The following UNC13C variants were observed in gnomAD, a reference collection of about 807,000 sequenced individuals.
UNC13C encodes unc-13 homolog C, also known as protein unc-13 homolog C.
UNC13C carries 174 observed loss-of-function variants against 245.4 expected under a neutral mutation model. That is an observed-to-expected ratio of 0.71 (90% confidence interval 0.63 to 0.80). The LOEUF (loss-of-function observed/expected upper bound fraction) is 0.80, where lower values mean the gene tolerates loss of function less well. UNC13C is among the 30% of genes least tolerant of loss of function. The pLI, the probability that UNC13C is intolerant of heterozygous loss-of-function variation, is 0.00. For missense variants in UNC13C, 2,829 were observed against 2,602.9 expected (o/e 1.09, Z -1.89); for synonymous variants, 992 against 895.1 (o/e 1.11, Z -1.93).
At chr15:54,611,911 A>C (rs1192599307) in intron 30 of UNC13C, among the ~76,000 whole-genome samples, 2 of 152,128 alleles carry the variant, frequency 1.3e-5, no homozygotes, top group East Asian at 3.9e-4. Context: ...ATCCATTTAC[A>C]TGACCTTGCA....
intron 10 of UNC13C, among the ~76,000 whole-genome samples, chr15:54,270,751 C>T (rs1173960799): frequency 1.3e-5 from 2 of 152,078 alleles, no homozygotes; most frequent in Non-Finnish European, 2.9e-5. Context: ...GTCCAACTTG[C>T]TCACTTCACT....
intron 10 of UNC13C, among the ~76,000 whole-genome samples, chr15:54,279,483 C>A (rs550013614): frequency 2.0e-5 from 3 of 152,160 alleles, no homozygotes; most frequent in Non-Finnish European, 4.4e-5. Flanking sequence ...GATTGCCTCT[C>A]CCGATTCAAG....
At chr15:54,004,982 T>G (rs1340342222) in intron 1 of UNC13C, among the ~76,000 whole-genome samples, 1 of 152,188 alleles carries the variant, frequency 6.6e-6, no homozygotes, top group Non-Finnish European at 1.5e-5. Context: ...GTTGATTGTT[T>G]CCTTTGCTGT....
chr15:54,379,717 C>A (rs2140896941), intron 17 of UNC13C, among the ~76,000 whole-genome samples: 1 of 152,258 alleles, frequency 6.6e-6, no homozygotes, highest in East Asian at 1.9e-4. Context: ...GTGGACCAGA[C>A]TTAGAAAAGC....
the UNC13C span, among the ~76,000 whole-genome samples, chr15:53,963,219 T>C: frequency 3.0e-4 from 45 of 152,268 alleles, no homozygotes; most frequent in African/African-American, 1.1e-3. Context: ...CTCACACAAT[T>C]ATTTTGGGGG....
At chr15:54,392,929 C>T (rs1440447610) in intron 17 of UNC13C, 119 bp from the exon 18 acceptor site, 2 of 1,221,590 alleles carry the variant, frequency 1.6e-6, no homozygotes, top group Non-Finnish European at 2.2e-6. Context: ...CTTTGACTCC[C>T]ATAATCTAAG....
the UNC13C span, among the ~76,000 whole-genome samples, chr15:53,928,363 C>T: frequency 6.6e-6 from 1 of 152,216 alleles, no homozygotes; most frequent in Non-Finnish European, 1.5e-5. Flanking sequence ...ACAGATCTCT[C>T]ATGTTATTGT....
At chr15:54,526,865 T>C (rs1895492051) in intron 25 of UNC13C, among the ~76,000 whole-genome samples, 1 of 152,152 alleles carries the variant, frequency 6.6e-6, no homozygotes, top group Non-Finnish European at 1.5e-5. Context: ...CAATTAGTTA[T>C]GCCATTTTTT....
chr15:53,943,578 C>T, the UNC13C span, among the ~76,000 whole-genome samples: 1 of 152,068 alleles, frequency 6.6e-6, no homozygotes, highest in Non-Finnish European at 1.5e-5. Context: ...CTATTTTTAA[C>T]TGTTTTAAAA....
chr15:53,983,480 T>C (rs1218821755), intron 1 of UNC13C, among the ~76,000 whole-genome samples: 1 of 152,118 alleles, frequency 6.6e-6, no homozygotes, highest in Non-Finnish European at 1.5e-5. Flanking sequence ...ACTTCATATA[T>C]GTAAAAATTA....
At chr15:54,458,794 C>G (rs1185735905) in intron 19 of UNC13C, among the ~76,000 whole-genome samples, 1 of 142,394 alleles carries the variant, frequency 7.0e-6, no homozygotes, top group Non-Finnish European at 1.5e-5. Flanking sequence ...GTATCCTTCT[C>G]TGTTAGGTGA....
the UNC13C span, among the ~76,000 whole-genome samples, chr15:53,946,171 G>A: frequency 6.6e-6 from 1 of 152,068 alleles, no homozygotes; most frequent in Non-Finnish European, 1.5e-5. Context: ...ATAGAATCAC[G>A]TCTACAAACA....
intron 10 of UNC13C, among the ~76,000 whole-genome samples, chr15:54,290,277 G>A (rs144570995): frequency 5.3e-4 from 81 of 152,118 alleles, no homozygotes; most frequent in Non-Finnish European, 9.7e-4. Flanking sequence ...TGTTAGTTGC[G>A]ACAAATATTA....
chr15:54,243,807 A>C (rs984123827), intron 7 of UNC13C, among the ~76,000 whole-genome samples: 1 of 151,946 alleles, frequency 6.6e-6, no homozygotes, highest in African/African-American at 2.4e-5. Flanking sequence ...TCCTTTGCCC[A>C]CTTTTTAATG....
At chr15:54,022,679 T>C (rs1377027869) in intron 2 of UNC13C, among the ~76,000 whole-genome samples, 1 of 152,244 alleles carries the variant, frequency 6.6e-6, no homozygotes, top group African/African-American at 2.4e-5. Flanking sequence ...TTGCAAATAA[T>C]ATTTTCTTCC....
At chr15:54,467,598 T>C (rs1393523886) in intron 19 of UNC13C, among the ~76,000 whole-genome samples, 1 of 151,672 alleles carries the variant, frequency 6.6e-6, no homozygotes, top group African/African-American at 2.4e-5. Flanking sequence ...ACCTAAACTG[T>C]CTATGGTTTC....
At chr15:54,216,099 T>C (rs562242724) in intron 4 of UNC13C, among the ~76,000 whole-genome samples, 3 of 151,884 alleles carry the variant, frequency 2.0e-5, no homozygotes. Context: ...ACAGTGAGTG[T>C]GTACATGAAG....
intron 2 of UNC13C, among the ~76,000 whole-genome samples, chr15:54,082,795 T>A (rs1042040066): frequency 1.4e-4 from 22 of 152,192 alleles, no homozygotes; most frequent in African/African-American, 5.3e-4. Flanking sequence ...ATGTTGTGTA[T>A]AATCATCCGG....
At chr15:53,980,491 T>G (rs189618276) in intron 1 of UNC13C, among the ~76,000 whole-genome samples, 1 of 152,316 alleles carries the variant, frequency 6.6e-6, no homozygotes, top group East Asian at 1.9e-4. Flanking sequence ...ATTAAGTAAT[T>G]TTTTAAACTA....
Sources: allele counts gnomAD v4.1 joint callset (sites outside exome capture counted in the v4.1 genomes callset), GRCh38; gene constraint gnomAD v4.1.1; transcripts MANE v1.5; gene names NCBI Gene and HGNC (gene_info 2026-07-23, HGNC 2026-07-21).